The following SNX31 variants were observed in gnomAD, a reference collection of about 807,000 sequenced individuals.
SNX31 encodes sorting nexin 31.
Under a neutral mutation model 65.4 loss-of-function variants are expected in SNX31, and 58 were observed. That is an observed-to-expected ratio of 0.89 (90% confidence interval 0.72 to 1.10). SNX31 has a LOEUF of 1.10. Among genes scored for constraint, SNX31 ranks in the 50% least tolerant of loss-of-function variants. SNX31 has a pLI of 0.00. For synonymous variants in SNX31, 181 were observed against 190.1 expected (o/e 0.95, Z 0.39); for missense variants, 523 against 529.7 (o/e 0.99, Z 0.12).
chr8:100,593,668 G>A (rs541331622), intron 10 of SNX31, among the ~76,000 whole-genome samples: 1 of 151,840 alleles, frequency 6.6e-6, no homozygotes, highest in Non-Finnish European at 1.5e-5. Flanking sequence ...TGGCCAGGCT[G>A]GTCTCAGACT....
intron 8 of SNX31, among the ~76,000 whole-genome samples, chr8:100,606,486 T>TG (rs1432872555): frequency 2.0e-5 from 3 of 152,348 alleles, no homozygotes; most frequent in Admixed American, 6.5e-5. Flanking sequence ...GGTCTTGATC[T>TG]CTAAAAGTCA....
chr8:100,662,213 A>C (rs1014295645), intron 1 of SNX31, among the ~76,000 whole-genome samples: 1 of 152,218 alleles, frequency 6.6e-6, no homozygotes, highest in Admixed American at 6.5e-5. Flanking sequence ...TCCATGATTG[A>C]GAAAACTGCC....
At chr8:100,652,124 A>G (rs951678169), upstream of SNX31, among the ~76,000 whole-genome samples, 2 of 152,088 alleles carry the variant, frequency 1.3e-5, no homozygotes. Context: ...GATTACAGGC[A>G]CACGCCACAA....
chr8:100,642,346 C>G (rs1819315698), intron 2 of SNX31, among the ~76,000 whole-genome samples: 1 of 152,126 alleles, frequency 6.6e-6, no homozygotes, highest in South Asian at 2.1e-4. Context: ...GGCATGTGTT[C>G]GTAAATGTCG....
At position 100,603,745 on chromosome 8, in the gene SNX31, C is replaced by CT. The variant is rs767771084; in HGVS notation, c.682-3305dup. Among the ~76,000 whole-genome samples the CT allele has an allele frequency of 1.1e-3, 134 of 127,256 alleles. 1 individual carries two copies. The highest frequency in any genetic ancestry group is 6.3e-3 in the Middle Eastern group (1 of 158). 83.5% of individuals were successfully genotyped at this position (127,256 alleles called of 152,430 possible). A position where few individuals can be genotyped will look rare whatever the true frequency, so the allele number is the denominator to read the frequency against. ...ACAGGCATGAACCACCACACCCGGC[C>CT]TTTTTTTTTTTTGAGACAGCCTTAC... On this transcript the variant is annotated intron_variant, in intron 8 of 13. Coordinates refer to ENST00000311812, the MANE Select transcript of SNX31 (RefSeq NM_152628.4).
At chr8:100,663,559 G>T (rs1016901872), upstream of SNX31, 2 of 124,872 alleles carry the variant, frequency 1.6e-5, no homozygotes, top group African/African-American at 9.4e-5. Context: ...AAACCCTATC[G>T]GAGTAAAAGG....
intron 11 of SNX31, among the ~76,000 whole-genome samples, chr8:100,585,291 G>A (rs1160968009): frequency 6.6e-6 from 1 of 151,958 alleles, no homozygotes; most frequent in African/African-American, 2.4e-5. Flanking sequence ...TTTCTCCTTT[G>A]GCCCTACTAA....
intron 4 of SNX31, among the ~76,000 whole-genome samples, chr8:100,624,984 AT>A (rs146857029): frequency 0.012 from 1,879 of 151,774 alleles, 38 homozygotes; most frequent in African/African-American, 0.041. Context: ...TCTTATTATT[AT>A]TTTTTTGTAG....
chr8:100,608,983 C>G lies in SNX31; in HGVS notation c.612-420G>C, dbSNP rs546227147. 9.2e-5 allele frequency among the ~76,000 whole-genome samples: 14 copies of G among 152,312 alleles called. No individual in the cohort carries two copies. In the South Asian group the frequency reaches 2.9e-3, roughly 32 times the overall value. ...TCTCTTGCCTGAGCTGCTCTGGGAG[C>G]CTCCTTTCCAGGCTTTCTGTCTCAG... On this transcript the variant is annotated intron_variant, in intron 7 of 13. Coordinates refer to ENST00000311812, the MANE Select transcript of SNX31 (RefSeq NM_152628.4).
chr8:100,652,852 G>T (rs1819998474), upstream of SNX31, among the ~76,000 whole-genome samples: 1 of 152,068 alleles, frequency 6.6e-6, no homozygotes. Context: ...CACCAGAGGG[G>T]CCCAGCCAAT....
chr8:100,630,510 T>A lies in SNX31; in HGVS notation c.257-119A>T. The A allele has an allele frequency of 1.3e-6, 1 of 774,682 alleles. No homozygotes were observed. Among genetic ancestry groups the A allele is most frequent in the Non-Finnish European group, 2.0e-6 (1 of 493,056 alleles). The allele number at this position is 774,682 out of a possible 1,614,324, so 48.0% of individuals were successfully genotyped here. A position where few individuals can be genotyped will look rare whatever the true frequency, so the allele number is the denominator to read the frequency against. The stretch of plus-strand genomic sequence containing the variant: ...CCAGTGCTCTGTCTCCTCCCTGAAG[T>A]GATAAATGTTGAAACCTCTCAAATA... On this transcript the variant is annotated intron_variant, in intron 3 of 13. Coordinates refer to ENST00000311812, the MANE Select transcript of SNX31 (RefSeq NM_152628.4). This position sits in a 1 kb window ranked among gnomAD's most constrained non-coding sequence, Gnocchi z 5.3.
Position 100,648,858 on chromosome 8 carries a change from A to C in SNX31, c.141+416T>G, listed in dbSNP as rs1819828974. On this transcript the variant is annotated intron_variant, in intron 2 of 13. Coordinates refer to ENST00000311812, the MANE Select transcript of SNX31 (RefSeq NM_152628.4). This position sits in a 1 kb window ranked among gnomAD's most constrained non-coding sequence, Gnocchi z 4.3. The stretch of plus-strand genomic sequence containing the variant: ...TCGAGACAAAGGAGATTAAATACCC[A>C]TGTACAAGACTCCAAAGACTCTAGG... 6.6e-6 allele frequency among the ~76,000 whole-genome samples: 1 copy of C among 152,218 alleles called. No individual in the cohort carries two copies. Among genetic ancestry groups the C allele is most frequent in the Non-Finnish European group, 1.5e-5 (1 of 68,032 alleles).
rs1262224755 is a variant in SNX31 at position 100,613,522 on chromosome 8, C to T, written c.433-437G>A. ...CAGCTATTTGGAAAAGGATCACTCC[C>T]CGCCGCTTGGCTGGCATACAAACGT... On this transcript the variant is annotated intron_variant, in intron 5 of 13. Transcript: ENST00000311812. This position sits in a 1 kb window ranked among gnomAD's most constrained non-coding sequence, Gnocchi z 5.2. Among the ~76,000 whole-genome samples the T allele has an allele frequency of 6.6e-6, 1 of 152,220 alleles. No individual in the cohort carries two copies. The highest frequency in any genetic ancestry group is 1.9e-4 in the East Asian group (1 of 5,202).
chr8:100,601,470 T>A lies in SNX31; in HGVS notation c.682-1029A>T, dbSNP rs559931974. On this transcript the variant is annotated intron_variant, in intron 8 of 13. Coordinates refer to ENST00000311812, the MANE Select transcript of SNX31 (RefSeq NM_152628.4). Reference sequence around the variant, plus strand: ...TATGGATACTTACAAGTCAAGGAAATGGATGTGCAAATACATGAAATGTAT... The same window carrying A: ...TATGGATACTTACAAGTCAAGGAAAAGGATGTGCAAATACATGAAATGTAT... Among the ~76,000 whole-genome samples, 6 of 152,202 alleles carry A rather than the reference T, an allele frequency of 3.9e-5. No homozygotes were observed. The South Asian group carries it at 1.0e-3, about 26-fold the overall frequency.
intron 8 of SNX31, among the ~76,000 whole-genome samples, chr8:100,605,888 A>G (rs1816108586): frequency 1.3e-5 from 2 of 152,244 alleles, no homozygotes; most frequent in East Asian, 3.8e-4. Flanking sequence ...TATTAGAATT[A>G]TGTGATGCAA....
intron 3 of SNX31, among the ~76,000 whole-genome samples, chr8:100,635,281 C>T (rs1353346777): frequency 7.2e-6 from 1 of 138,012 alleles, no homozygotes; most frequent in Non-Finnish European, 1.6e-5. Flanking sequence ...GCTGTGTCAC[C>T]CAGGCTGGAG....
intron 10 of SNX31, among the ~76,000 whole-genome samples, chr8:100,592,172 T>G (rs1397887190): frequency 6.6e-6 from 1 of 152,158 alleles, no homozygotes; most frequent in Non-Finnish European, 1.5e-5. Context: ...TTAAAGTATG[T>G]TCCATACACT....
intron 3 of SNX31, 48 bp downstream of exon 3, chr8:100,635,849 C>A: frequency 7.5e-7 from 1 of 1,334,652 alleles, no homozygotes; most frequent in East Asian, 2.3e-5. Flanking sequence ...TGGCATATAG[C>A]TTACATTGCA....
rs921244947 is a variant in SNX31 at position 100,588,247 on chromosome 8, TA to T, written c.1092+618del. ...ATGTATATGCAAATATTTCAAGATT[TA>T]AAAAAATCTGCAATTGGAAACAATT... On this transcript the variant is annotated intron_variant, in intron 11 of 13. Transcript: ENST00000311812. This position sits in a 1 kb window ranked among gnomAD's most constrained non-coding sequence, Gnocchi z 4.8. Among the ~76,000 whole-genome samples the T allele has an allele frequency of 6.6e-6, 1 of 152,192 alleles. No individual in the cohort carries two copies. Among genetic ancestry groups the T allele is most frequent in the Non-Finnish European group, 1.5e-5 (1 of 68,032 alleles).
Sources: gnomAD v4.1 joint callset for allele counts (sites outside exome capture counted in the v4.1 genomes callset) on GRCh38, gnomAD v4.1.1 for gene constraint, Gnocchi (gnomAD v3.1) non-coding constraint, MANE v1.5 for transcripts, NCBI Gene and HGNC (gene_info 2026-07-23, HGNC 2026-07-21) for gene names.